Variants in FBXO41 observed in about 807,000 individuals in gnomAD.
FBXO41 encodes the protein F-box only protein 41.
In FBXO41, 33 loss-of-function variants were observed where a neutral mutation model predicts 81.6. The ratio of observed to expected loss-of-function variants is 0.40; its 90% CI spans 0.31 to 0.54. The LOEUF (loss-of-function observed/expected upper bound fraction) is 0.54, where lower values mean the gene tolerates loss of function less well. Among genes scored for constraint, FBXO41 ranks in the 20% least tolerant of loss-of-function variants. The pLI, the probability that FBXO41 is intolerant of heterozygous loss-of-function variation, is 0.39. For missense variants in FBXO41, 1,107 were observed against 1,236.0 expected (o/e 0.90, Z 1.56); for synonymous variants, 576 against 552.7 (o/e 1.04, Z -0.59).
In FBXO41 at chr2:73,260,690, C is replaced by T. The variant is rs754521790; in HGVS notation, c.2290+50G>A. The T allele has an allele frequency of 1.1e-5, 16 of 1,512,262 alleles. No individual in the cohort carries two copies. In the Admixed American group the frequency reaches 1.4e-4, roughly 13 times the overall value. The allele number at this position is 1,512,262 out of a possible 1,614,324, so 93.7% of individuals were successfully genotyped here. ...TGGGATTTCACAAGGCAGCACTGCA[C>T]CCATGCCTGCTTCCCACTACCCACC... On this transcript the variant is annotated intron_variant, in intron 10 of 12. Coordinates refer to ENST00000520530, the MANE Select transcript of FBXO41 (RefSeq NM_001371389.2). This position sits in a 1 kb window ranked among gnomAD's most constrained non-coding sequence, Gnocchi z 5.0.
intron 5 of FBXO41, among the ~76,000 whole-genome samples, chr2:73,264,887 G>A (rs1047708624): frequency 3.3e-5 from 5 of 152,040 alleles, no homozygotes; most frequent in African/African-American, 1.2e-4. Context: ...CCCAGAAGAT[G>A]GGGTGTGGCT....
rs1687911384 is a variant in FBXO41, at chr2:73,258,960, GC to G, written c.*21del. ...GTGCCCTGGTGTGGGGCTGGCAGGG[GC>G]CCTGCCGCCCCCTACCCGGGTTAGC... On this transcript the variant is annotated 3_prime_UTR_variant, in exon 13 of 13. Coordinates refer to ENST00000520530, the MANE Select transcript of FBXO41 (RefSeq NM_001371389.2). 3 of 1,558,750 alleles carry G rather than the reference GC, an allele frequency of 1.9e-6. No individual in the cohort carries two copies. The highest frequency in any genetic ancestry group is 2.6e-6 in the Non-Finnish European group (3 of 1,151,670).
At chr2:73,278,713 G>A (rs6546814) in intron 1 of FBXO41, among the ~76,000 whole-genome samples, 15,045 of 152,276 alleles carry the variant, frequency 0.099, 2,015 homozygotes, top group African/African-American at 0.3. Context: ...GACTCTTGAA[G>A]AGCAAAATAT....
At position 73,258,744 on chromosome 2, in the gene FBXO41, T is replaced by G. The variant is rs1687903402; in HGVS notation, c.*238A>C. ...GTGCCAGAGGCTACTCCAGCCGGGG[T>G]AGGGTGGGGGTCGGAGGGCAGCTTC... is the stretch of plus-strand genomic sequence containing the variant. On this transcript the variant is annotated 3_prime_UTR_variant, in exon 13 of 13. Coordinates refer to ENST00000520530, the MANE Select transcript of FBXO41 (RefSeq NM_001371389.2). 2.1e-6 allele frequency: 1 copy of G among 470,526 alleles called. No homozygotes were observed. The highest frequency in any genetic ancestry group is 3.7e-6 in the Non-Finnish European group (1 of 267,720). 29.1% of individuals were successfully genotyped at this position (470,526 alleles called of 1,614,324 possible). A position where few individuals can be genotyped will look rare whatever the true frequency, so the allele number is the denominator to read the frequency against.
At chr2:73,280,986 C>A (rs1467757743) in intron 1 of FBXO41, among the ~76,000 whole-genome samples, 3 of 152,196 alleles carry the variant, frequency 2.0e-5, no homozygotes, top group Non-Finnish European at 2.9e-5. Context: ...ATCCAAGAAT[C>A]ACCTTGAATA....
chr2:73,259,005 T>C lies in FBXO41; in HGVS notation c.2605A>G (p.Ile869Val). The C allele has an allele frequency of 3.1e-6, 5 of 1,593,964 alleles. No homozygotes were observed. Among genetic ancestry groups the C allele is most frequent in the Non-Finnish European group, 4.3e-6 (5 of 1,170,486 alleles). The change falls in exon 13 of 13, where the codon ATC becomes GTC. Residue 869 changes from isoleucine (I) to valine (V), a missense_variant. Coordinates refer to ENST00000520530, the MANE Select transcript of FBXO41 (RefSeq NM_001371389.2). The surrounding 1 kb of genome is among the most constrained non-coding windows in gnomAD (Gnocchi z 4.2). ...GGTTAGCAGCCGCCTTCCACCTTGA[T>C]GTGCAGAATCTTAGAGAAGCCGGGC... ...RRPGFSKILH[I>V]KVEGGC
At chr2:73,276,503 C>T (rs1031548608) in intron 1 of FBXO41, among the ~76,000 whole-genome samples, 2 of 147,116 alleles carry the variant, frequency 1.4e-5, no homozygotes, top group African/African-American at 5.1e-5. Context: ...GAAGTAAATC[C>T]AAAACATGGT....
At position 73,260,502 on chromosome 2, in the gene FBXO41, G is replaced by A; in HGVS notation, c.2336C>T (p.Ser779Leu). 6.2e-7 allele frequency: 1 copy of A among 1,602,216 alleles called. No individual in the cohort carries two copies. The highest frequency in any genetic ancestry group is 8.5e-7 in the Non-Finnish European group (1 of 1,174,558). ...RLQVLELDHV[S>L]EITQEVAAEV... ...TGCTGCCACCTCCTGGGTGATCTCT[G>A]ACACGTGGTCAAGCTCCAGGACCTG... is the stretch of plus-strand genomic sequence containing the variant. The change falls in exon 11 of 13, where the codon TCA (serine) becomes TTA (leucine). Residue 779 changes from serine (S) to leucine (L), a missense_variant. Ser to Leu is a moderately radical substitution (Grantham distance 145). Around this residue, in one of 2 missense-constraint regions of FBXO41, gnomAD observed 336 missense variants for 446.7 expected, o/e 0.75. Transcript: ENST00000520530. This position sits in a 1 kb window ranked among gnomAD's most constrained non-coding sequence, Gnocchi z 5.0.
At chr2:73,265,149 G>A (rs1419535624) in intron 5 of FBXO41, 133 bp downstream of exon 5, 1 of 834,478 alleles carries the variant, frequency 1.2e-6, no homozygotes, top group Non-Finnish European at 1.8e-6. Flanking sequence ...TGTCACAAGA[G>A]TTCCTGCCCC....
chr2:73,278,780 G>A (rs771053288), intron 1 of FBXO41, among the ~76,000 whole-genome samples: 4 of 152,136 alleles, frequency 2.6e-5, no homozygotes, highest in East Asian at 1.9e-4. Flanking sequence ...AAAGACAATC[G>A]GAGCACATGA....
chr2:73,273,837 A>G (rs930916224), intron 1 of FBXO41, among the ~76,000 whole-genome samples: 8 of 152,260 alleles, frequency 5.3e-5, no homozygotes, highest in African/African-American at 1.9e-4. Context: ...GACTAACACA[A>G]TGGCCCACAG....
rs1437932935 is a variant in FBXO41, at chr2:73,269,692, C to G, written c.-62G>C. 1 of 1,105,032 alleles carries G rather than the reference C, an allele frequency of 9.0e-7. No homozygotes were observed. The highest frequency in any genetic ancestry group is 5.1e-5 in the East Asian group (1 of 19,728). 68.5% of individuals were successfully genotyped at this position (1,105,032 alleles called of 1,614,324 possible). A position where few individuals can be genotyped will look rare whatever the true frequency, so the allele number is the denominator to read the frequency against. ...GGCCGCCCCGCCGGTCAGCCGGGCG[C>G]GCTCATGGGGGACCGCGGGCGAGGC... On this transcript the variant is annotated 5_prime_UTR_variant, in exon 2 of 13. Transcript: ENST00000520530. This position sits in a 1 kb window ranked among gnomAD's most constrained non-coding sequence, Gnocchi z 7.0.
At position 73,266,571 on chromosome 2, in the gene FBXO41, G is replaced by A. The variant is rs539511933; in HGVS notation, c.1017C>T (p.Ala339=). The change falls in exon 3 of 13, where the codon GCC becomes GCT. Residue 339 remains alanine, a synonymous_variant. Coordinates refer to ENST00000520530, the MANE Select transcript of FBXO41 (RefSeq NM_001371389.2). The surrounding 1 kb of genome is among the most constrained non-coding windows in gnomAD (Gnocchi z 5.3). ...IEELLERADR[A]ERQLQVISSS... is the part of the protein sequence containing the mutation. ...TGCTGATGACCTGCAGCTGCCGCTC[G>A]GCACGGTCAGCCCGCTCAAGGAGCT... The A allele has an allele frequency of 1.7e-5, 28 of 1,610,640 alleles. No individual in the cohort carries two copies. Among genetic ancestry groups the A allele is most frequent in the South Asian group, 3.3e-5 (3 of 90,772 alleles).
chr2:73,259,323 C>T lies in FBXO41; in HGVS notation c.2450-27G>A, dbSNP rs775914052. 2.1e-5 allele frequency: 33 copies of T among 1,593,664 alleles called. No homozygotes were observed. Among genetic ancestry groups the T allele is most frequent in the Middle Eastern group, 1.7e-4 (1 of 6,030 alleles). On this transcript the variant is annotated intron_variant, in intron 11 of 12. Transcript: ENST00000520530. The surrounding 1 kb of genome is among the most constrained non-coding windows in gnomAD (Gnocchi z 4.2). ...TGAGAAAAGGTGAGCAAAGTAGGGG[C>T]GTGTTTGGCCTGGGCTGTGGAGCTG...
intron 1 of FBXO41, among the ~76,000 whole-genome samples, chr2:73,274,731 TTTTG>T (rs925679942): frequency 1.3e-5 from 2 of 152,040 alleles, no homozygotes; most frequent in African/African-American, 2.4e-5. Context: ...TTGGATTTTT[TTTTG>T]TTTGTTTGTT....
chr2:73,276,266 C>T lies in FBXO41; in HGVS notation c.-138-6498G>A, dbSNP rs538490288. On this transcript the variant is annotated intron_variant, in intron 1 of 12. Coordinates refer to ENST00000520530, the MANE Select transcript of FBXO41 (RefSeq NM_001371389.2). ...CTCTACTAAAAATACAAAAATTAGA[C>T]GGGCATGGTGGCAGGTGGCTGTAAT... is the stretch of plus-strand genomic sequence containing the variant. Among the ~76,000 whole-genome samples the T allele has an allele frequency of 6.5e-4, 98 of 151,020 alleles. 1 individual carries two copies. The highest frequency in any genetic ancestry group is 2.2e-3 in the African/African-American group (89 of 40,994).
chr2:73,280,550 C>A (rs1688817431), intron 1 of FBXO41, among the ~76,000 whole-genome samples: 1 of 152,204 alleles, frequency 6.6e-6, no homozygotes, highest in African/African-American at 2.4e-5. Context: ...GGGTGCCCTA[C>A]AAGATTTTGC....
chr2:73,265,333 G>T lies in FBXO41; in HGVS notation c.1513C>A (p.Pro505Thr). The change falls in exon 5 of 13, where the codon CCC (proline) becomes ACC (threonine). Residue 505 changes from proline to threonine, a missense_variant. By Grantham distance (38) the Pro-to-Thr change is conservative. Transcript: ENST00000520530. ...CCAGCCATAGCAGGCCCGGGGCGGG[G>T]CGCATCCAACGGGCCCTCAGCCTCT... ...ESEAEGPLDA[P>T]RPGPAMAGPL... is the part of the protein sequence containing the mutation. The T allele has an allele frequency of 6.2e-7, 1 of 1,611,628 alleles. No individual in the cohort carries two copies. The highest frequency in any genetic ancestry group is 8.5e-7 in the Non-Finnish European group (1 of 1,179,722).
Position 73,260,595 on chromosome 2 carries a change from C to A in FBXO41, c.2291-48G>T. On this transcript the variant is annotated intron_variant, in intron 10 of 12. Coordinates refer to ENST00000520530, the MANE Select transcript of FBXO41 (RefSeq NM_001371389.2). This position sits in a 1 kb window ranked among gnomAD's most constrained non-coding sequence, Gnocchi z 5.0. ...TCCTGCTGACACACTCCCCAGGTCA[C>A]CCCTGCAGCCAGCACCCTGGCTACC... The A allele has an allele frequency of 6.4e-7, 1 of 1,553,916 alleles. No individual in the cohort carries two copies. Among genetic ancestry groups the A allele is most frequent in the Non-Finnish European group, 8.7e-7 (1 of 1,148,812 alleles).
Sources: gnomAD v4.1 joint callset for allele counts (sites outside exome capture counted in the v4.1 genomes callset) on GRCh38, gnomAD v4.1.1 for gene constraint, gnomAD v4.1.1 regional missense constraint, Gnocchi (gnomAD v3.1) non-coding constraint, MANE v1.5 for transcripts, NCBI Gene and HGNC (gene_info 2026-07-23, HGNC 2026-07-21) for gene names.